ZNF385D: variants seen among roughly 807,000 people sequenced by gnomAD.
ZNF385D encodes zinc finger protein 659.
ZNF385D carries 15 observed loss-of-function variants against 35.8 expected under a neutral mutation model. The ratio of observed to expected loss-of-function variants is 0.42; its 90% CI spans 0.28 to 0.64. ZNF385D has a LOEUF of 0.64. ZNF385D is among the 30% of genes least tolerant of loss of function. The pLI is 0.23. For synonymous variants in ZNF385D, 212 were observed against 186.8 expected (o/e 1.13, Z -1.10); for missense variants, 474 against 494.6 (o/e 0.96, Z 0.39).
intron 2 of ZNF385D, among the ~76,000 whole-genome samples, chr3:21,591,767 T>TATCA (rs898272814): frequency 5.9e-5 from 9 of 152,154 alleles, no homozygotes; most frequent in African/African-American, 2.2e-4. Context: ...TATCTCTCTA[T>TATCA]ATCATGTTTT....
chr3:21,478,580 A>G (rs917572377), intron 4 of ZNF385D, among the ~76,000 whole-genome samples: 8 of 152,188 alleles, frequency 5.3e-5, no homozygotes, highest in Admixed American at 5.2e-4. Flanking sequence ...GGAGTCATCT[A>G]TTACTATAAC....
chr3:22,238,034 T>A (rs893295752), intron 2 of ZNF385D, among the ~76,000 whole-genome samples: 2 of 151,074 alleles, frequency 1.3e-5, no homozygotes, highest in African/African-American at 4.9e-5. Context: ...AATCCAATTG[T>A]CCCAGTACCA....
At chr3:21,890,373 C>A (rs1276472768) in intron 3 of ZNF385D, among the ~76,000 whole-genome samples, 1 of 152,152 alleles carries the variant, frequency 6.6e-6, no homozygotes, top group South Asian at 2.1e-4. Flanking sequence ...AATCCCAGCA[C>A]TTTGGGAGGC....
intron 2 of ZNF385D, among the ~76,000 whole-genome samples, chr3:22,290,289 T>C (rs1702233844): frequency 6.6e-6 from 1 of 152,166 alleles, no homozygotes; most frequent in African/African-American, 2.4e-5. Flanking sequence ...CTATTCAATA[T>C]GAATGCTCTC....
chr3:22,228,763 G>A (rs573171093), intron 2 of ZNF385D, among the ~76,000 whole-genome samples: 3 of 152,198 alleles, frequency 2.0e-5, no homozygotes, highest in Non-Finnish European at 4.4e-5. Flanking sequence ...CTAATCAGCT[G>A]CCAGCACAGC....
At chr3:21,898,361 C>A (rs1699241120) in intron 3 of ZNF385D, among the ~76,000 whole-genome samples, 3 of 152,050 alleles carry the variant, frequency 2.0e-5, no homozygotes, top group East Asian at 3.9e-4. Flanking sequence ...AATATAGATA[C>A]CTGAATTTGA....
chr3:21,550,730 C>G (rs1490988661), intron 3 of ZNF385D, among the ~76,000 whole-genome samples: 1 of 152,176 alleles, frequency 6.6e-6, no homozygotes, highest in African/African-American at 2.4e-5. Flanking sequence ...ATCCACCTGC[C>G]CCTGCCTCCC....
At chr3:22,346,439 C>A (rs1397719924) in intron 2 of ZNF385D, among the ~76,000 whole-genome samples, 1 of 152,136 alleles carries the variant, frequency 6.6e-6, no homozygotes, top group Non-Finnish European at 1.5e-5. Context: ...AAAGCATTTG[C>A]CATGCATTCA....
intron 2 of ZNF385D, among the ~76,000 whole-genome samples, chr3:22,297,228 C>G (rs7651783): frequency 6.6e-6 from 1 of 151,972 alleles, no homozygotes; most frequent in East Asian, 1.9e-4. Context: ...CCCCTTTATT[C>G]GCAACCCCAG....
chr3:21,892,963 T>G (rs181553240), intron 3 of ZNF385D, among the ~76,000 whole-genome samples: 1 of 152,162 alleles, frequency 6.6e-6, no homozygotes, highest in Non-Finnish European at 1.5e-5. Flanking sequence ...ATTGCGTGTA[T>G]GTATTTGGTC....
intron 3 of ZNF385D, among the ~76,000 whole-genome samples, chr3:21,932,401 T>C (rs1459051553): frequency 1.3e-5 from 2 of 150,812 alleles, no homozygotes; most frequent in African/African-American, 2.5e-5. Context: ...TGTGACTTAA[T>C]ATGGGGATAG....
intron 2 of ZNF385D, among the ~76,000 whole-genome samples, chr3:22,371,928 A>G (rs1696925550): frequency 6.6e-6 from 1 of 152,042 alleles, no homozygotes; most frequent in Non-Finnish European, 1.5e-5. Flanking sequence ...TTTGTTTTAA[A>G]AAGAAGAAGA....
intron 3 of ZNF385D, among the ~76,000 whole-genome samples, chr3:22,115,919 C>T (rs1230433425): frequency 6.6e-6 from 1 of 151,996 alleles, no homozygotes; most frequent in African/African-American, 2.4e-5. Flanking sequence ...GAGCTGATGC[C>T]TATACCAAAA....
rs1017123086 is a variant in ZNF385D at position 21,708,948 on chromosome 3, G to C, written c.22+41947C>G. ...ACTAAAACTTAACTATCATAAGGCA[G>C]TTTCTCCTTAAAGGCAAAGGTTTGT... On this transcript the variant is annotated intron_variant, in intron 1 of 7. Coordinates refer to ENST00000281523, the MANE Select transcript of ZNF385D (RefSeq NM_024697.3). Among the ~76,000 whole-genome samples, 9 of 152,036 alleles carry C rather than the reference G, an allele frequency of 5.9e-5. 1 individual carries two copies. The highest frequency in any genetic ancestry group is 5.2e-4 in the Admixed American group (8 of 15,276).
chr3:22,318,092 C>T (rs1337900969), intron 2 of ZNF385D, among the ~76,000 whole-genome samples: 1 of 151,874 alleles, frequency 6.6e-6, no homozygotes, highest in Non-Finnish European at 1.5e-5. Context: ...ATTAGAGTGC[C>T]AGTACATGGA....
intron 2 of ZNF385D, among the ~76,000 whole-genome samples, chr3:22,270,405 C>T (rs1309947378): frequency 1.3e-5 from 2 of 152,034 alleles, no homozygotes; most frequent in Non-Finnish European, 2.9e-5. Flanking sequence ...TTTACTCCTC[C>T]TCTGCTTAAA....
At chr3:21,794,126 C>A (rs569990716) in intron 3 of ZNF385D, among the ~76,000 whole-genome samples, 2 of 152,090 alleles carry the variant, frequency 1.3e-5, no homozygotes, top group Non-Finnish European at 1.5e-5. Flanking sequence ...GCCTTATGTG[C>A]GTAGCAAAAT....
chr3:21,446,404 G>A (rs963956591), intron 4 of ZNF385D, among the ~76,000 whole-genome samples: 2 of 151,544 alleles, frequency 1.3e-5, no homozygotes, highest in Non-Finnish European at 2.9e-5. Context: ...GGCAAGCCAG[G>A]GGAAGCTAGT....
At chr3:21,553,394 T>A (rs2062628448) in intron 3 of ZNF385D, among the ~76,000 whole-genome samples, 1 of 152,208 alleles carries the variant, frequency 6.6e-6, no homozygotes, top group Non-Finnish European at 1.5e-5. Flanking sequence ...ATATTATGTC[T>A]AAAAATACAA....
Sources: allele counts gnomAD v4.1 joint callset (sites outside exome capture counted in the v4.1 genomes callset), GRCh38; gene constraint gnomAD v4.1.1; transcripts MANE v1.5; gene names NCBI Gene and HGNC (gene_info 2026-07-23, HGNC 2026-07-21).